The following UBAP1L variants were observed in gnomAD, a reference collection of about 807,000 sequenced individuals.
UBAP1L encodes ubiquitin associated protein 1 like, also known as ubiquitin-associated protein 1-like.
In UBAP1L, 32 loss-of-function variants were observed where a neutral mutation model predicts 32.1. The ratio of observed to expected loss-of-function variants is 1.00; its 90% CI spans 0.75 to 1.34. The LOEUF is 1.34. Among genes scored for constraint, UBAP1L ranks in the 40% most tolerant of loss-of-function variants. The pLI, the probability that UBAP1L is intolerant of heterozygous loss-of-function variation, is 0.00. For missense variants in UBAP1L, 516 were observed against 540.5 expected, an observed-to-expected ratio of 0.95 and a Z score of 0.45; for synonymous variants, 243 against 250.2, an observed-to-expected ratio of 0.97 and a Z score of 0.27.
At chr15:65,105,026 A>G (rs942877375) in intron 2 of UBAP1L, 8 of 238,452 alleles carry the variant, frequency 3.4e-5, no homozygotes, top group Admixed American at 1.1e-4. Flanking sequence ...AAAAAAAAAA[A>G]AAGAAAATTA....
intron 1 of UBAP1L, among the ~76,000 whole-genome samples, chr15:65,113,875 T>A (rs1381586670): frequency 6.6e-6 from 1 of 152,168 alleles, no homozygotes. Flanking sequence ...CACAGTGGCC[T>A]TTACAAAGTT....
intron 1 of UBAP1L, among the ~76,000 whole-genome samples, chr15:65,107,450 G>A (rs1479235375): frequency 1.3e-5 from 2 of 151,818 alleles, no homozygotes; most frequent in Non-Finnish European, 2.9e-5. Context: ...AACATTTTAG[G>A]CCAGGTGCAG....
In UBAP1L at chr15:65,093,233, T is replaced by C; in HGVS notation, c.1012-2A>G. On this transcript the variant is annotated splice_acceptor_variant, in intron 5 of 5. Coordinates refer to ENST00000559089, the MANE Select transcript of UBAP1L (RefSeq NM_001163692.2). LOFTEE classifies it high-confidence loss of function. ...CCAGAGGCGCAGGAACTCCCCTGCC[T>C]GAGGAAGAGGAGACAGGGAGGGTGC... 1.3e-6 allele frequency: 2 copies of C among 1,540,936 alleles called. No homozygotes were observed. Among genetic ancestry groups the C allele is most frequent in the Non-Finnish European group, 1.7e-6 (2 of 1,143,334 alleles).
Position 65,102,196 on chromosome 15 carries a change from C to T in UBAP1L, c.609G>A (p.Ala203=), listed in dbSNP as rs1277363366. The change falls in exon 3 of 6, where the codon GCG becomes GCA. Residue 203 remains alanine, a synonymous_variant. Transcript: ENST00000559089. The surrounding 1 kb of genome is among the most constrained non-coding windows in gnomAD (Gnocchi z 5.0). ...SPRSASPPGP[A]PQHPAAPASP... Reference sequence around the variant, plus strand: ...ACGCGGGGGCGGCGGGGTGCTGGGGCGCGGGCCCCGGGGGTGATGCAGACC... The same window carrying T: ...ACGCGGGGGCGGCGGGGTGCTGGGGTGCGGGCCCCGGGGGTGATGCAGACC... The T allele has an allele frequency of 1.8e-5, 21 of 1,199,522 alleles. No homozygotes were observed. Among genetic ancestry groups the T allele is most frequent in the Middle Eastern group, 3.3e-4 (1 of 3,018 alleles). 74.3% of individuals were successfully genotyped at this position (1,199,522 alleles called of 1,614,324 possible).
Position 65,093,079 on chromosome 15 carries a change from C to T in UBAP1L, c.*18G>A, listed in dbSNP as rs1385132621. Reference sequence around the variant, plus strand: ...GCATTGGGCCTAGATGCCCAGGCATCGTGGAGTGCCTCCGTGGTCACTGGG... The same window carrying T: ...GCATTGGGCCTAGATGCCCAGGCATTGTGGAGTGCCTCCGTGGTCACTGGG... On this transcript the variant is annotated 3_prime_UTR_variant, in exon 6 of 6. Transcript: ENST00000559089. 2.6e-6 allele frequency: 4 copies of T among 1,541,490 alleles called. No individual in the cohort carries two copies. Among genetic ancestry groups the T allele is most frequent in the Non-Finnish European group, 2.6e-6 (3 of 1,144,770 alleles).
chr15:65,094,592 G>A lies in UBAP1L; in HGVS notation c.910-16C>T, dbSNP rs1472819452. 3.2e-6 allele frequency: 5 copies of A among 1,543,578 alleles called. No individual in the cohort carries two copies. The highest frequency in any genetic ancestry group is 4.4e-6 in the Non-Finnish European group (5 of 1,140,328). ...AGCTGAGAAACTGGGCCGGAAGCGG[G>A]CAGAGAGGGAGGGAGGGTAAGAGGA... On this transcript the variant is annotated splice_polypyrimidine_tract_variant and intron_variant, in intron 4 of 5. Coordinates refer to ENST00000559089, the MANE Select transcript of UBAP1L (RefSeq NM_001163692.2). The surrounding 1 kb of genome is among the most constrained non-coding windows in gnomAD (Gnocchi z 4.2).
intron 4 of UBAP1L, 190 bp downstream of exon 4, chr15:65,099,315 G>A (rs1041365982): frequency 1.2e-5 from 7 of 605,546 alleles, no homozygotes; most frequent in Non-Finnish European, 1.7e-5. Context: ...GACTGATTGA[G>A]GCAGGGGTAT....
chr15:65,094,634 A>T lies in UBAP1L; in HGVS notation c.910-58T>A. ...GTAAGAGGAGCAGCCGGGGCAGCAG[A>T]CAGGGCAGAGAGGCACTCCAAGGGC... On this transcript the variant is annotated intron_variant, in intron 4 of 5. Coordinates refer to ENST00000559089, the MANE Select transcript of UBAP1L (RefSeq NM_001163692.2). The surrounding 1 kb of genome is among the most constrained non-coding windows in gnomAD (Gnocchi z 4.2). 1 of 1,341,396 alleles carries T rather than the reference A, an allele frequency of 7.5e-7. No individual in the cohort carries two copies. Among genetic ancestry groups the T allele is most frequent in the Non-Finnish European group, 1.0e-6 (1 of 959,480 alleles). The allele number at this position is 1,341,396 out of a possible 1,614,324, so 83.1% of individuals were successfully genotyped here.
intron 2 of UBAP1L, among the ~76,000 whole-genome samples, chr15:65,104,252 G>A (rs567131612): frequency 4.6e-5 from 7 of 151,020 alleles, no homozygotes; most frequent in South Asian, 2.1e-4. Context: ...AGACTCTGTC[G>A]AAAGGAAGGG....
chr15:65,105,793 G>A (rs2087302057), intron 2 of UBAP1L: 1 of 706,266 alleles, frequency 1.4e-6, no homozygotes, highest in Non-Finnish European at 2.6e-6. Context: ...CCCAAAAAGA[G>A]TGCTGAATTT....
chr15:65,114,047 C>T (rs1048501316), intron 1 of UBAP1L, among the ~76,000 whole-genome samples: 9 of 151,978 alleles, frequency 5.9e-5, no homozygotes, highest in African/African-American at 9.6e-5. Context: ...CCACCACGCC[C>T]GCTAATTTTT....
chr15:65,097,453 A>C (rs1420341960), intron 4 of UBAP1L: 1 of 152,236 alleles, frequency 6.6e-6, no homozygotes, highest in Non-Finnish European at 1.5e-5. Flanking sequence ...GGAGGTTCTC[A>C]CACAGAAAAT....
At position 65,102,134 on chromosome 15, in the gene UBAP1L, G is replaced by A. The variant is rs1036048322; in HGVS notation, c.671C>T (p.Pro224Leu). The A allele has an allele frequency of 5.6e-5, 67 of 1,206,386 alleles. No individual in the cohort carries two copies. Among genetic ancestry groups the A allele is most frequent in the Admixed American group, 1.3e-4 (3 of 22,958 alleles). 74.7% of individuals were successfully genotyped at this position (1,206,386 alleles called of 1,614,324 possible). A position where few individuals can be genotyped will look rare whatever the true frequency, so the allele number is the denominator to read the frequency against. Residue 224 changes from proline (P) to leucine (L), a missense_variant, in exon 3 of 6, where the codon CCG (proline) becomes CTG (leucine). By Grantham distance (98) the Pro-to-Leu change is moderately conservative (BLOSUM62 -3). Transcript: ENST00000559089. This position sits in a 1 kb window ranked among gnomAD's most constrained non-coding sequence, Gnocchi z 5.0. ...GACCGTAGGCTTGTGGCTCCGCAGC[G>A]GGGGGATGGCGCCTGCCGTGGAGGG... ...PRPSTAGAIP[P>L]LRSHKPTVAS...
Position 65,092,984 on chromosome 15 carries a change from A to C in UBAP1L, c.*113T>G, listed in dbSNP as rs2087134771. ...CCCTTGGTATTATTTGTGTTTTTAC[A>C]ATAAGTATGCATCACTTTGTTACTC... On this transcript the variant is annotated 3_prime_UTR_variant, in exon 6 of 6. Transcript: ENST00000559089. 3 of 1,346,018 alleles carry C rather than the reference A, an allele frequency of 2.2e-6. No individual in the cohort carries two copies. The South Asian group carries it at 4.5e-5, about 20-fold the overall frequency. 83.4% of individuals were successfully genotyped at this position (1,346,018 alleles called of 1,614,324 possible).
rs2087245229 is a variant in UBAP1L at position 65,102,065 on chromosome 15, C to T, written c.699+41G>A. The T allele has an allele frequency of 1.1e-6, 1 of 940,890 alleles. No individual in the cohort carries two copies. The highest frequency in any genetic ancestry group is 1.4e-6 in the Non-Finnish European group (1 of 729,986). The allele number at this position is 940,890 out of a possible 1,614,324, so 58.3% of individuals were successfully genotyped here. ...GGACACCCAGATTATGGGGCCTGGGCTGCTGATTGGCGGCCTTGGAGGGGC... is the reference window on the plus strand; with the variant it reads ...GGACACCCAGATTATGGGGCCTGGGTTGCTGATTGGCGGCCTTGGAGGGGC... On this transcript the variant is annotated intron_variant, in intron 3 of 5. Transcript: ENST00000559089. This position sits in a 1 kb window ranked among gnomAD's most constrained non-coding sequence, Gnocchi z 5.0.
chr15:65,109,427 G>A (rs189151829), intron 1 of UBAP1L, among the ~76,000 whole-genome samples: 130 of 134,500 alleles, frequency 9.7e-4, no homozygotes, highest in African/African-American at 3.3e-3. Flanking sequence ...AGCTTGCAGT[G>A]AGCCGAGATC....
chr15:65,103,885 TA>T (rs1473841470), intron 2 of UBAP1L, among the ~76,000 whole-genome samples: 1 of 152,082 alleles, frequency 6.6e-6, no homozygotes, highest in Non-Finnish European at 1.5e-5. Flanking sequence ...TCAGAGGGAT[TA>T]AAAAAATACC....
Position 65,094,686 on chromosome 15 carries a change from A to G in UBAP1L, c.910-110T>C. On this transcript the variant is annotated intron_variant, in intron 4 of 5. Transcript: ENST00000559089. The surrounding 1 kb of genome is among the most constrained non-coding windows in gnomAD (Gnocchi z 4.2). ...TGAGCTGAGGGCCAGGCAACAGGGC[A>G]AGCCACCACCTGCAGCGTGGCCCCA... The G allele has an allele frequency of 3.7e-6, 3 of 800,910 alleles. No individual in the cohort carries two copies. Among genetic ancestry groups the G allele is most frequent in the Non-Finnish European group, 6.3e-6 (3 of 474,868 alleles). 49.6% of individuals were successfully genotyped at this position (800,910 alleles called of 1,614,324 possible).
At position 65,102,760 on chromosome 15, in the gene UBAP1L, G is replaced by T. The variant is rs1029970260; in HGVS notation, c.121-76C>A. 1.5e-6 allele frequency: 2 copies of T among 1,361,764 alleles called. No homozygotes were observed. The highest frequency in any genetic ancestry group is 2.0e-6 in the Non-Finnish European group (2 of 1,009,686). 84.4% of individuals were successfully genotyped at this position (1,361,764 alleles called of 1,614,324 possible). On this transcript the variant is annotated intron_variant, in intron 2 of 5. Coordinates refer to ENST00000559089, the MANE Select transcript of UBAP1L (RefSeq NM_001163692.2). The surrounding 1 kb of genome is among the most constrained non-coding windows in gnomAD (Gnocchi z 5.0). Reference sequence around the variant, plus strand: ...CACAACACTAACCCCTGGCCTGGGGGACCCTGTTCAGCCAGAGACTCTCTA... The same window carrying T: ...CACAACACTAACCCCTGGCCTGGGGTACCCTGTTCAGCCAGAGACTCTCTA...
Sources: allele counts gnomAD v4.1 joint callset (sites outside exome capture counted in the v4.1 genomes callset), GRCh38; gene constraint gnomAD v4.1.1; non-coding constraint Gnocchi (gnomAD v3.1); transcripts MANE v1.5; gene names NCBI Gene and HGNC (gene_info 2026-07-23, HGNC 2026-07-21).